Variants in ULK4 observed in about 807,000 individuals in gnomAD.
ULK4 encodes unc-51 like kinase 4.
In ULK4, 133 loss-of-function variants were observed where a neutral mutation model predicts 160.6. That is an observed-to-expected ratio of 0.83 (90% CI 0.72 to 0.96). The LOEUF is 0.96. Among genes scored for constraint, ULK4 ranks in the 40% least tolerant of loss-of-function variants. ULK4 has a pLI of 0.00. For synonymous variants in ULK4, 534 were observed against 539.8 expected (o/e 0.99, Z 0.15); for missense variants, 1,580 against 1,499.5 (o/e 1.05, Z -0.89).
chr3:41,764,942 C>G (rs2039108175), intron 21 of ULK4, among the ~76,000 whole-genome samples: 2 of 152,184 alleles, frequency 1.3e-5, no homozygotes, highest in African/African-American at 4.8e-5. Context: ...AATAGGAACA[C>G]TTTTACACTG....
At chr3:41,894,016 C>A (rs982065954) in intron 16 of ULK4, among the ~76,000 whole-genome samples, 1 of 152,030 alleles carries the variant, frequency 6.6e-6, no homozygotes, top group Non-Finnish European at 1.5e-5. Context: ...TCACTTTATT[C>A]AAATTAAAAC....
intron 27 of ULK4, among the ~76,000 whole-genome samples, chr3:41,696,119 C>CG (rs1231149039): frequency 6.6e-6 from 1 of 152,040 alleles, no homozygotes; most frequent in Non-Finnish European, 1.5e-5. Flanking sequence ...TCCCTTTCCC[C>CG]GGGGGAGTTT....
intron 22 of ULK4, among the ~76,000 whole-genome samples, chr3:41,749,760 A>G (rs2038551862): frequency 6.6e-6 from 1 of 152,152 alleles, no homozygotes; most frequent in Non-Finnish European, 1.5e-5. Flanking sequence ...AATCTGAGTG[A>G]GCCTAAGCTA....
At chr3:41,570,348 G>A (rs2087928194) in intron 31 of ULK4, among the ~76,000 whole-genome samples, 1 of 152,178 alleles carries the variant, frequency 6.6e-6, no homozygotes. Flanking sequence ...GAAGATTAAT[G>A]TGGAAGCAAT....
chr3:41,381,932 G>A (rs889618804), intron 35 of ULK4, among the ~76,000 whole-genome samples: 1 of 151,988 alleles, frequency 6.6e-6, no homozygotes, highest in African/African-American at 2.4e-5. Context: ...TGGACACAGG[G>A]GCTTCCTTAT....
At chr3:41,844,334 G>A (rs970736059) in intron 17 of ULK4, among the ~76,000 whole-genome samples, 9 of 152,172 alleles carry the variant, frequency 5.9e-5, no homozygotes, top group South Asian at 2.1e-4. Context: ...AGCTAAGGCC[G>A]GGCGAGAAAT....
intron 21 of ULK4, among the ~76,000 whole-genome samples, chr3:41,785,790 T>C (rs1390699137): frequency 6.6e-6 from 1 of 152,102 alleles, no homozygotes; most frequent in Non-Finnish European, 1.5e-5. Flanking sequence ...CTAAAACCCC[T>C]TAGGAAGGCC....
intron 18 of ULK4, among the ~76,000 whole-genome samples, chr3:41,829,689 G>C (rs367672315): frequency 2.8e-4 from 42 of 152,082 alleles, no homozygotes; most frequent in South Asian, 4.1e-4. Flanking sequence ...CACTTTTACA[G>C]TGTTGGTGGG....
rs896463492 is a variant in ULK4 at position 41,957,691 on chromosome 3, C to A, written c.-48-2884G>T. ...CTGCACCATGGTACTCCAGCCTGGA[C>A]AACAGGGTGAGACCATGTCTCAGAA... On this transcript the variant is annotated intron_variant, in intron 1 of 36. Coordinates refer to ENST00000301831, the MANE Select transcript of ULK4 (RefSeq NM_017886.4). Among the ~76,000 whole-genome samples, 31 of 148,020 alleles carry A rather than the reference C, an allele frequency of 2.1e-4. 1 individual carries two copies. Among genetic ancestry groups the A allele is most frequent in the Admixed American group, 5.4e-4 (8 of 14,734 alleles).
chr3:41,594,224 T>C (rs969897257), intron 31 of ULK4, among the ~76,000 whole-genome samples: 4 of 152,152 alleles, frequency 2.6e-5, no homozygotes, highest in Non-Finnish European at 5.9e-5. Context: ...GTTGCTTACT[T>C]ATACACACAA....
chr3:41,287,844 C>T (rs904932579), intron 35 of ULK4, among the ~76,000 whole-genome samples: 1 of 152,192 alleles, frequency 6.6e-6, no homozygotes, highest in African/African-American at 2.4e-5. Context: ...CAGGTTTGTT[C>T]ACAAATGTTT....
intron 35 of ULK4, among the ~76,000 whole-genome samples, chr3:41,295,290 C>A (rs2079648422): frequency 7.4e-6 from 1 of 135,358 alleles, no homozygotes; most frequent in Non-Finnish European, 1.7e-5. Context: ...TCACAAAAAT[C>A]AACTCAAAAT....
intron 34 of ULK4, among the ~76,000 whole-genome samples, chr3:41,401,163 C>T (rs1310914264): frequency 6.6e-6 from 1 of 152,134 alleles, no homozygotes; most frequent in African/African-American, 2.4e-5. Context: ...CTGGTTTTAG[C>T]TCTTAGCAAT....
chr3:41,248,451 C>T (rs1319088286), intron 36 of ULK4, among the ~76,000 whole-genome samples: 1 of 152,110 alleles, frequency 6.6e-6, no homozygotes, highest in Non-Finnish European at 1.5e-5. Flanking sequence ...GAACTTACTT[C>T]TATGGTTTAT....
At chr3:41,681,043 C>T (rs1370639790) in intron 29 of ULK4, among the ~76,000 whole-genome samples, 4 of 152,092 alleles carry the variant, frequency 2.6e-5, no homozygotes, top group Non-Finnish European at 4.4e-5. Flanking sequence ...TTACCTGTTC[C>T]GCCACCTCCA....
intron 30 of ULK4, among the ~76,000 whole-genome samples, chr3:41,624,343 T>G (rs1041183567): frequency 1.3e-5 from 2 of 152,222 alleles, no homozygotes; most frequent in Non-Finnish European, 2.9e-5. Flanking sequence ...AGAACATAAA[T>G]GCCACGACTT....
intron 32 of ULK4, among the ~76,000 whole-genome samples, chr3:41,502,310 C>T (rs1470345006): frequency 6.6e-6 from 1 of 152,132 alleles, no homozygotes; most frequent in African/African-American, 2.4e-5. Flanking sequence ...TTTACATTTC[C>T]ACTAACAGCA....
At chr3:41,848,445 G>GA (rs1261174145) in intron 17 of ULK4, among the ~76,000 whole-genome samples, 1 of 152,144 alleles carries the variant, frequency 6.6e-6, no homozygotes, top group Non-Finnish European at 1.5e-5. Context: ...TCCTTTTGAG[G>GA]AAATACCTTT....
intron 22 of ULK4, among the ~76,000 whole-genome samples, chr3:41,728,755 C>T (rs2037731877): frequency 6.6e-6 from 1 of 152,050 alleles, no homozygotes; most frequent in Non-Finnish European, 1.5e-5. Context: ...CAGTAGACTT[C>T]TAGTTTCTGG....
Sources: allele counts gnomAD v4.1 joint callset (sites outside exome capture counted in the v4.1 genomes callset), GRCh38; gene constraint gnomAD v4.1.1; transcripts MANE v1.5; gene names NCBI Gene and HGNC (gene_info 2026-07-23, HGNC 2026-07-21).